Variants in SMG1 observed in about 807,000 individuals in gnomAD.
SMG1 encodes the protein SMG1 nonsense mediated mRNA decay associated PI3K related kinase.
A neutral mutation model predicts 419.9 loss-of-function variants in SMG1; 22 were observed. The ratio of observed to expected loss-of-function variants is 0.05; its 90% CI spans 0.04 to 0.07. The LOEUF (loss-of-function observed/expected upper bound fraction) is 0.07. SMG1 is among the 10% of genes least tolerant of loss of function. SMG1 has a pLI of 1.00. For missense variants in SMG1, 3,185 were observed against 4,342.0 expected, an observed-to-expected ratio of 0.73 and a Z score of 7.49; for synonymous variants, 1,538 against 1,553.5, an observed-to-expected ratio of 0.99 and a Z score of 0.23.
chr16:18,833,232 C>G, intron 50 of SMG1, 66 bp from the exon 51 acceptor site: 2 of 1,285,978 alleles, frequency 1.6e-6, no homozygotes, highest in Non-Finnish European at 2.2e-6. Flanking sequence ...CATTTGGAGA[C>G]TTAGAGCCAT....
chr16:18,852,039 C>T, intron 33 of SMG1, 28 bp downstream of exon 33: 1 of 1,578,964 alleles, frequency 6.3e-7, no homozygotes, highest in Non-Finnish European at 8.6e-7. Flanking sequence ...GAGTAGCAAT[C>T]TTGCCCCAAG....
chr16:18,830,317 C>T lies in SMG1; in HGVS notation c.8845G>A (p.Asp2949Asn), dbSNP rs148075153. ...ELIQPRNGSV[D>N]ETPKMSAGQM... ...CCAGCTGACATTTTGGGTGTTTCAT[C>T]AACTGAACCATTTCTCGGTTGGATT... Residue 2949 changes from aspartate (D) to asparagine (N), a missense_variant, in exon 52 of 63, where the codon GAT becomes AAT. By Grantham distance (23) the Asp-to-Asn change is conservative. This residue lies in a region of SMG1 where 737 missense variants were observed against 846.6 expected (regional missense o/e 0.87). Transcript: ENST00000446231. The T allele has an allele frequency of 3.7e-4, 591 of 1,613,946 alleles. 1 individual carries two copies. Among genetic ancestry groups the T allele is most frequent in the Non-Finnish European group, 4.8e-4 (570 of 1,179,886 alleles).
intron 60 of SMG1, among the ~76,000 whole-genome samples, chr16:18,812,917 G>C (rs2031609745): frequency 6.6e-6 from 1 of 152,096 alleles, no homozygotes; most frequent in South Asian, 2.1e-4. Flanking sequence ...AGAACATGCG[G>C]TGTTTGGTTT....
At position 18,842,422 on chromosome 16, in the gene SMG1, T is replaced by C. The variant is rs12926959; in HGVS notation, c.6252A>G (p.Lys2084=). The C allele has an allele frequency of 0.08, 128,944 of 1,613,566 alleles. 5,611 individuals carry two copies. Among genetic ancestry groups the C allele is most frequent in the Middle Eastern group, 0.12 (747 of 6,058 alleles). ...CAAGACGCAAGATGTAACTTGCACG[T>C]TTCTGTGCTCTCTGTTGCAAACTTA... ...IMLSLQQRAQ[K]RASYILRLEE... is the part of the protein sequence containing the mutation. The change falls in exon 40 of 63, where the codon AAA becomes AAG. Residue 2084 remains lysine, a synonymous_variant. Coordinates refer to ENST00000446231, the MANE Select transcript of SMG1 (RefSeq NM_015092.5).
intron 1 of SMG1, among the ~76,000 whole-genome samples, chr16:18,913,148 AAGAAGTCAACGT>A: frequency 6.6e-6 from 1 of 152,246 alleles, no homozygotes; most frequent in South Asian, 2.1e-4. Flanking sequence ...GGCAAATCTG[AAGAAGTCAACGT>A]AGAATCTGTC....
At chr16:18,882,020 G>C (rs1273725786) in intron 10 of SMG1, 145 bp downstream of exon 10, 1 of 474,814 alleles carries the variant, frequency 2.1e-6, no homozygotes, top group African/African-American at 2.0e-5. Context: ...CAAGAAAACA[G>C]TCAGACAATA....
intron 10 of SMG1, among the ~76,000 whole-genome samples, chr16:18,881,538 C>A (rs1179799501): frequency 6.6e-6 from 1 of 152,182 alleles, no homozygotes; most frequent in Non-Finnish European, 1.5e-5. Context: ...TCGATTAAAT[C>A]TTTTATGACT....
intron 39 of SMG1, among the ~76,000 whole-genome samples, chr16:18,843,098 T>C (rs2034019706): frequency 6.6e-6 from 1 of 152,218 alleles, no homozygotes; most frequent in Non-Finnish European, 1.5e-5. Context: ...TGTTGAGCTA[T>C]GTATGCACAA....
intron 55 of SMG1, among the ~76,000 whole-genome samples, chr16:18,821,253 T>TTTTTTTTTTTTTTTTC (rs2032535390): frequency 4.0e-5 from 1 of 24,846 alleles, no homozygotes; most frequent in African/African-American, 2.3e-4. Flanking sequence ...TTTTTTTTTC[T>TTTTTTTTTTTTTTTTC]TTTTTTTTTT....
At chr16:18,916,258 G>A (rs1011788335) in intron 1 of SMG1, among the ~76,000 whole-genome samples, 2 of 151,702 alleles carry the variant, frequency 1.3e-5, no homozygotes, top group African/African-American at 2.4e-5. Flanking sequence ...GCTCACGCCT[G>A]TAATCCCAGC....
chr16:18,842,188 G>A lies in SMG1; in HGVS notation c.6466+20C>T, dbSNP rs1161328380. 5 of 1,600,134 alleles carry A rather than the reference G, an allele frequency of 3.1e-6. No homozygotes were observed. Among genetic ancestry groups the A allele is most frequent in the Admixed American group, 3.5e-5 (2 of 57,442 alleles). ...AAGACTAATACTCTTCTGAAAAATG[G>A]AGGAAGTCTTAAATCCTACCTTTGA... On this transcript the variant is annotated intron_variant, in intron 40 of 62. Coordinates refer to ENST00000446231, the MANE Select transcript of SMG1 (RefSeq NM_015092.5).
rs778239739 is a variant in SMG1, at chr16:18,882,285, T to C, written c.1173A>G (p.Pro391=). 1 of 1,610,142 alleles carries C rather than the reference T, an allele frequency of 6.2e-7. No individual in the cohort carries two copies. The highest frequency in any genetic ancestry group is 8.5e-7 in the Non-Finnish European group (1 of 1,178,982). Reference sequence around the variant, plus strand: ...CAGCCAGCTTTGGTAATGACACTGATGGAGGAGGGACATCTTCATCCACTG... The same window carrying C: ...CAGCCAGCTTTGGTAATGACACTGACGGAGGAGGGACATCTTCATCCACTG... ...GESVDEDVPP[P]SVSLPKLAAL... is the part of the protein sequence containing the mutation. Residue 391 remains proline, a synonymous_variant, in exon 10 of 63, where the codon CCA becomes CCG. Coordinates refer to ENST00000446231, the MANE Select transcript of SMG1 (RefSeq NM_015092.5).
At chr16:18,904,100 G>A (rs1596635484) in intron 1 of SMG1, among the ~76,000 whole-genome samples, 1 of 150,778 alleles carries the variant, frequency 6.6e-6, no homozygotes, top group Non-Finnish European at 1.5e-5. Context: ...ACCACGCCCG[G>A]CTAATTTTTT....
chr16:18,837,557 G>T (rs2033654337), intron 45 of SMG1, 114 bp from the exon 46 acceptor site: 2 of 838,422 alleles, frequency 2.4e-6, no homozygotes, highest in Non-Finnish European at 3.7e-6. Flanking sequence ...CCCGAAAGGG[G>T]TGATGCGTTG....
At chr16:18,914,322 T>C (rs1212525093) in intron 1 of SMG1, among the ~76,000 whole-genome samples, 1 of 152,154 alleles carries the variant, frequency 6.6e-6, no homozygotes, top group Admixed American at 6.5e-5. Flanking sequence ...GGATATCCAA[T>C]TCCTTTTTTG....
chr16:18,862,654 C>G (rs569152717), intron 25 of SMG1, among the ~76,000 whole-genome samples: 32 of 152,312 alleles, frequency 2.1e-4, no homozygotes, highest in African/African-American at 7.5e-4. Context: ...TACTTGCCCC[C>G]CACCTCCAGT....
At chr16:18,913,222 A>C (rs2037854826) in intron 1 of SMG1, among the ~76,000 whole-genome samples, 1 of 152,136 alleles carries the variant, frequency 6.6e-6, no homozygotes, top group Non-Finnish European at 1.5e-5. Flanking sequence ...TAGGGCCTGG[A>C]AATTAAGTGT....
At chr16:18,866,868 G>A in intron 22 of SMG1, 93 bp from the exon 23 acceptor site, 1 of 867,438 alleles carries the variant, frequency 1.2e-6, no homozygotes, top group Non-Finnish European at 1.8e-6. Flanking sequence ...CCTGCTTAAA[G>A]CCAAATGTAT....
chr16:18,815,642 C>T lies in SMG1; in HGVS notation c.10312G>A (p.Ala3438Thr). ...LLKAMAKDEE[A>T]ALADGEDVPY... ...ACATCTTCACCATCTGCCAGAGCAGCTTCTTCATCCTAGAATTGATAAATT... is the reference window on the plus strand; with the variant it reads ...ACATCTTCACCATCTGCCAGAGCAGTTTCTTCATCCTAGAATTGATAAATT... Residue 3438 changes from alanine to threonine, a missense_variant, in exon 59 of 63, where the codon GCT (alanine) becomes ACT (threonine). Physicochemically the swap from Ala to Thr is moderately conservative, Grantham distance 58. This residue lies in a region of SMG1 where 737 missense variants were observed against 846.6 expected (regional missense o/e 0.87). Transcript: ENST00000446231. 1 of 1,613,424 alleles carries T rather than the reference C, an allele frequency of 6.2e-7. No individual in the cohort carries two copies. Among genetic ancestry groups the T allele is most frequent in the Non-Finnish European group, 8.5e-7 (1 of 1,179,544 alleles).
Sources: gnomAD v4.1 joint callset for allele counts (sites outside exome capture counted in the v4.1 genomes callset) on GRCh38, gnomAD v4.1.1 for gene constraint, gnomAD v4.1.1 regional missense constraint, MANE v1.5 for transcripts, NCBI Gene and HGNC (gene_info 2026-07-23, HGNC 2026-07-21) for gene names.